The following DCLK2 variants were observed in gnomAD, a reference collection of about 807,000 sequenced individuals.
DCLK2 encodes serine/threonine-protein kinase DCLK2.
Under a neutral mutation model 78.4 loss-of-function variants are expected in DCLK2, and 31 were observed. The observed-to-expected ratio is 0.40, with a 90% confidence interval of 0.30 to 0.53. DCLK2 has a LOEUF of 0.53. Ranked by LOEUF, DCLK2 falls within the 20% of genes least tolerant of loss-of-function variation. The pLI is 0.61. For synonymous variants in DCLK2, 407 were observed against 374.9 expected (o/e 1.09, Z -0.99); for missense variants, 872 against 973.7 (o/e 0.90, Z 1.39).
Position 150,079,367 on chromosome 4 carries a change from G to C in DCLK2, c.340G>C (p.Val114Leu), listed in dbSNP as rs1229894160. The change falls in exon 1 of 16, where the codon GTG (valine) becomes CTG (leucine). Residue 114 changes from valine (V) to leucine (L), a missense_variant. Transcript: ENST00000296550. ...IELTRSLSDN[V>L]NLPQGVRTIY... ...GCTCACCCGCTCCCTGTCGGACAACGTGAACCTGCCCCAGGGTGTCCGCAC... is the reference window on the plus strand; with the variant it reads ...GCTCACCCGCTCCCTGTCGGACAACCTGAACCTGCCCCAGGGTGTCCGCAC... 1.3e-6 allele frequency: 2 copies of C among 1,589,444 alleles called. No homozygotes were observed.
chr4:150,113,951 T>C (rs1731880030), intron 2 of DCLK2, among the ~76,000 whole-genome samples: 1 of 152,184 alleles, frequency 6.6e-6, no homozygotes, highest in Non-Finnish European at 1.5e-5. Context: ...TGTGTCACTA[T>C]TACTCATTTC....
intron 1 of DCLK2, among the ~76,000 whole-genome samples, chr4:150,089,837 A>G (rs1233034455): frequency 2.6e-5 from 4 of 152,206 alleles, no homozygotes; most frequent in Admixed American, 2.6e-4. Context: ...TGACCGTGGC[A>G]CTGAGTGCTG....
intron 15 of DCLK2, among the ~76,000 whole-genome samples, chr4:150,252,451 G>A (rs1276402251): frequency 4.6e-5 from 7 of 152,312 alleles, no homozygotes; most frequent in Admixed American, 2.6e-4. Flanking sequence ...GGGAGTCATT[G>A]CTGGGGTCAC....
At chr4:150,093,022 C>T (rs1730203051) in intron 1 of DCLK2, among the ~76,000 whole-genome samples, 1 of 152,152 alleles carries the variant, frequency 6.6e-6, no homozygotes, top group Non-Finnish European at 1.5e-5. Context: ...AAGACATGAT[C>T]TTATATGTAG....
At chr4:150,231,264 T>C (rs1388187162) in intron 8 of DCLK2, among the ~76,000 whole-genome samples, 6 of 152,228 alleles carry the variant, frequency 3.9e-5, no homozygotes, top group Non-Finnish European at 7.4e-5. Context: ...TCCTAGTAAA[T>C]GTTGGTTTCT....
At chr4:150,218,219 T>TC (rs1740894571) in intron 5 of DCLK2, among the ~76,000 whole-genome samples, 1 of 151,990 alleles carries the variant, frequency 6.6e-6, no homozygotes, top group Admixed American at 6.6e-5. Context: ...CTTTCCCTGC[T>TC]CCATGTCACC....
At chr4:150,091,106 T>G (rs996003143) in intron 1 of DCLK2, among the ~76,000 whole-genome samples, 1 of 152,180 alleles carries the variant, frequency 6.6e-6, no homozygotes, top group Admixed American at 6.5e-5. Flanking sequence ...TAAATCAGTC[T>G]TACTTTTTCT....
chr4:150,208,784 C>CATT (rs776231472), intron 5 of DCLK2, among the ~76,000 whole-genome samples: 76 of 152,148 alleles, frequency 5.0e-4, no homozygotes, highest in Non-Finnish European at 1.1e-3. Context: ...ACACTGTGCC[C>CATT]ATTATTTCCA....
chr4:150,163,700 A>G (rs560884447), intron 2 of DCLK2, among the ~76,000 whole-genome samples: 7 of 152,328 alleles, frequency 4.6e-5, no homozygotes, highest in African/African-American at 7.2e-5. Context: ...GTTATTAAGC[A>G]GTTACTATAT....
chr4:150,191,844 G>GT (rs1306932151), intron 2 of DCLK2, among the ~76,000 whole-genome samples: 1 of 152,138 alleles, frequency 6.6e-6, no homozygotes, highest in African/African-American at 2.4e-5. Flanking sequence ...CTGGAGCATT[G>GT]TTTTCTAACT....
At position 150,256,000 on chromosome 4, in the gene DCLK2, C is replaced by G; in HGVS notation, c.2074-20C>G. Reference sequence around the variant, plus strand: ...AGCCTGGGCCCGGGTAATGTGTTGTCTCTGCTGTTTCCTCCTCAGAACACG... The same window carrying G: ...AGCCTGGGCCCGGGTAATGTGTTGTGTCTGCTGTTTCCTCCTCAGAACACG... On this transcript the variant is annotated intron_variant, in intron 15 of 15. Transcript: ENST00000296550. 1 of 1,610,924 alleles carries G rather than the reference C, an allele frequency of 6.2e-7. No homozygotes were observed. The highest frequency in any genetic ancestry group is 8.5e-7 in the Non-Finnish European group (1 of 1,178,580).
At chr4:150,118,781 C>G (rs1732296703) in intron 2 of DCLK2, among the ~76,000 whole-genome samples, 1 of 151,970 alleles carries the variant, frequency 6.6e-6, no homozygotes, top group Non-Finnish European at 1.5e-5. Context: ...GGCCTCCTGG[C>G]CAGGCTGGTC....
chr4:150,126,142 G>A (rs906953959), intron 2 of DCLK2, among the ~76,000 whole-genome samples: 6 of 152,140 alleles, frequency 3.9e-5, no homozygotes, highest in African/African-American at 1.4e-4. Flanking sequence ...AATTTTGCCA[G>A]TTGCCCCTCT....
chr4:150,156,405 T>C (rs1344580279), intron 2 of DCLK2, among the ~76,000 whole-genome samples: 1 of 151,802 alleles, frequency 6.6e-6, no homozygotes, highest in African/African-American at 2.4e-5. Context: ...TTAGCACTTT[T>C]TGAGGCTGAG....
intron 15 of DCLK2, among the ~76,000 whole-genome samples, chr4:150,254,042 G>T (rs1382972941): frequency 6.6e-6 from 1 of 152,220 alleles, no homozygotes; most frequent in Non-Finnish European, 1.5e-5. Flanking sequence ...CATTTTCTTG[G>T]ACTTGTCCTT....
chr4:150,091,050 G>A (rs1730023653), intron 1 of DCLK2, among the ~76,000 whole-genome samples: 1 of 152,222 alleles, frequency 6.6e-6, no homozygotes, highest in Middle Eastern at 3.4e-3. Context: ...CATTCTGTGC[G>A]GTTTGGCCAG....
intron 2 of DCLK2, among the ~76,000 whole-genome samples, chr4:150,166,685 A>G (rs1736106221): frequency 1.3e-5 from 2 of 152,272 alleles, no homozygotes; most frequent in Admixed American, 1.3e-4. Flanking sequence ...GCAAATGTTA[A>G]TGCATAATTT....
chr4:150,086,741 C>T (rs1033083142), intron 1 of DCLK2, among the ~76,000 whole-genome samples: 4 of 152,044 alleles, frequency 2.6e-5, no homozygotes, highest in Non-Finnish European at 1.5e-5. Context: ...CTCCTGACCT[C>T]GTGATCTGCC....
intron 2 of DCLK2, among the ~76,000 whole-genome samples, chr4:150,160,862 T>TGGTG (rs1735653292): frequency 6.6e-6 from 1 of 152,162 alleles, no homozygotes. Flanking sequence ...TCCATGTTAT[T>TGGTG]GGTGAGATAA....
Sources: allele counts gnomAD v4.1 joint callset (sites outside exome capture counted in the v4.1 genomes callset), GRCh38; gene constraint gnomAD v4.1.1; transcripts MANE v1.5; gene names NCBI Gene and HGNC (gene_info 2026-07-23, HGNC 2026-07-21).